GGA1: variants seen among roughly 807,000 people sequenced by gnomAD.
GGA1 encodes the protein golgi associated, gamma adaptin ear containing, ARF binding protein 1, also known as ADP-ribosylation factor-binding protein GGA1.
GGA1 carries 18 observed loss-of-function variants against 76.9 expected under a neutral mutation model. The ratio of observed to expected loss-of-function variants is 0.23; its 90% CI spans 0.16 to 0.35. GGA1 has a LOEUF of 0.35. Ranked by LOEUF, GGA1 falls within the 10% of genes least tolerant of loss-of-function variation. GGA1 has a pLI of 1.00. For missense variants in GGA1, 755 were observed against 859.0 expected, an observed-to-expected ratio of 0.88 and a Z score of 1.51; for synonymous variants, 342 against 354.7, an observed-to-expected ratio of 0.96 and a Z score of 0.40.
At chr22:37,615,809 G>A (rs1467530988) in intron 2 of GGA1, among the ~76,000 whole-genome samples, 1 of 152,024 alleles carries the variant, frequency 6.6e-6, no homozygotes, top group Admixed American at 6.6e-5. Flanking sequence ...CCCCAGACTC[G>A]ACTGTCCAGT....
At chr22:37,622,373 C>G (rs1238809666) in intron 7 of GGA1, among the ~76,000 whole-genome samples, 1 of 151,682 alleles carries the variant, frequency 6.6e-6, no homozygotes, top group African/African-American at 2.4e-5. Context: ...GAGCCACTGC[C>G]TGGCCAAATG....
chr22:37,631,929 G>A lies in GGA1; in HGVS notation c.1529-67G>A, dbSNP rs973944796. Reference sequence around the variant, plus strand: ...GCCAGCTCCTGAGGCCAGCCGGGTGGGGGCTGGGGGCTGAGCGGATGTGCT... The same window carrying A: ...GCCAGCTCCTGAGGCCAGCCGGGTGAGGGCTGGGGGCTGAGCGGATGTGCT... On this transcript the variant is annotated intron_variant, in intron 14 of 16. Transcript: ENST00000343632. 36 of 1,421,480 alleles carry A rather than the reference G, an allele frequency of 2.5e-5. 1 individual carries two copies. The highest frequency in any genetic ancestry group is 2.1e-4 in the African/African-American group (15 of 71,128). 88.1% of individuals were successfully genotyped at this position (1,421,480 alleles called of 1,614,324 possible).
chr22:37,631,928 G>T, intron 14 of GGA1, 68 bp from the exon 15 acceptor site: 1 of 1,409,488 alleles, frequency 7.1e-7, no homozygotes. Flanking sequence ...CCAGCCGGGT[G>T]GGGGCTGGGG....
intron 1 of GGA1, among the ~76,000 whole-genome samples, chr22:37,613,688 C>T (rs1052287922): frequency 3.3e-5 from 5 of 151,790 alleles, no homozygotes; most frequent in South Asian, 4.2e-4. Flanking sequence ...CATGAGCCAC[C>T]GTGCCTGGCC....
At chr22:37,617,214 G>A (rs1178346029) in intron 3 of GGA1, 2 of 1,409,510 alleles carry the variant, frequency 1.4e-6, no homozygotes, top group South Asian at 1.6e-5. Flanking sequence ...TGTTGCTGAG[G>A]GAAGGCCCTC....
chr22:37,632,229 T>TGGGGAGCCACCTGTCAG lies in GGA1; in HGVS notation c.1698+69_1698+85dup, dbSNP rs1931949324. 8.5e-6 allele frequency: 13 copies of TGGGGAGCCACCTGTCAG among 1,521,988 alleles called. No individual in the cohort carries two copies. The East Asian group carries it at 3.0e-4, about 35-fold the overall frequency. The allele number at this position is 1,521,988 out of a possible 1,614,324, so 94.3% of individuals were successfully genotyped here. On this transcript the variant is annotated intron_variant, in intron 15 of 16. Coordinates refer to ENST00000343632, the MANE Select transcript of GGA1 (RefSeq NM_013365.5). The surrounding 1 kb of genome is among the most constrained non-coding windows in gnomAD (Gnocchi z 5.1). ...CAAGGCAGGGTGACATGGAGCTGGGTGGGGAGCCACCTGTCAGGGGGCAGG... is the reference window on the plus strand; with the variant it reads ...CAAGGCAGGGTGACATGGAGCTGGGTGGGGAGCCACCTGTCAGGGGGAGCCACCTGTCAGGGGGCAGG...
chr22:37,618,398 C>T (rs1472826567), intron 3 of GGA1, 50 bp from the exon 4 acceptor site: 8 of 1,135,216 alleles, frequency 7.0e-6, no homozygotes, highest in African/African-American at 1.5e-5. Context: ...AGGGAGGCCA[C>T]GGCCTCTGAT....
At chr22:37,628,971 G>A (rs532570056) in intron 11 of GGA1, among the ~76,000 whole-genome samples, 7 of 152,188 alleles carry the variant, frequency 4.6e-5, no homozygotes, top group Non-Finnish European at 8.8e-5. Flanking sequence ...GGCCTTCAGC[G>A]TCGCCTCCAG....
chr22:37,621,535 C>T (rs370188432), intron 6 of GGA1, 81 bp from the exon 7 acceptor site: 17 of 822,000 alleles, frequency 2.1e-5, no homozygotes, highest in East Asian at 8.0e-5. Context: ...AGGCAGGAAG[C>T]GGGGAGCCAT....
In GGA1 at chr22:37,620,216, C is replaced by A. The variant is rs1929626627; in HGVS notation, c.304-22C>A. 5.6e-6 allele frequency: 9 copies of A among 1,613,086 alleles called. No individual in the cohort carries two copies. In the East Asian group the frequency reaches 1.8e-4, roughly 32 times the overall value. On this transcript the variant is annotated intron_variant, in intron 4 of 16. Transcript: ENST00000343632. The stretch of plus-strand genomic sequence containing the variant: ...GAGTGGGGCTGGGCAGTATCAAAGG[C>A]CTCCCCACTGTGTCCCTGAAGTATC...
At chr22:37,629,899 A>G in intron 12 of GGA1, 99 bp from the exon 13 acceptor site, 2 of 860,820 alleles carry the variant, frequency 2.3e-6, no homozygotes, top group Non-Finnish European at 3.6e-6. Context: ...GCTTTCCCAG[A>G]TGTCATTTGC....
chr22:37,614,282 G>A lies in GGA1; in HGVS notation c.128+8G>A. The A allele has an allele frequency of 6.2e-7, 1 of 1,602,574 alleles. No individual in the cohort carries two copies. The highest frequency in any genetic ancestry group is 8.6e-7 in the Non-Finnish European group (1 of 1,169,588). ...CAACGAGGACTTTGAGGGGTAGGTGGCCGTCCCCACTTGTTTGCACTGCCC... is the reference window on the plus strand; with the variant it reads ...CAACGAGGACTTTGAGGGGTAGGTGACCGTCCCCACTTGTTTGCACTGCCC... On this transcript the variant is annotated splice_region_variant and intron_variant, in intron 2 of 16. Coordinates refer to ENST00000343632, the MANE Select transcript of GGA1 (RefSeq NM_013365.5).
chr22:37,620,762 C>T (rs756759116), intron 5 of GGA1, 51 bp from the exon 6 acceptor site: 5 of 1,120,374 alleles, frequency 4.5e-6, no homozygotes, highest in Admixed American at 1.7e-5. Flanking sequence ...GTCACCCCTA[C>T]CCCTGGGCCT....
intron 1 of GGA1, among the ~76,000 whole-genome samples, chr22:37,611,608 T>A (rs908361099): frequency 5.3e-5 from 8 of 152,202 alleles, no homozygotes; most frequent in Admixed American, 2.6e-4. Context: ...TTCCAGGGCT[T>A]TGGGCCCCCT....
intron 5 of GGA1, 144 bp downstream of exon 5, chr22:37,620,505 A>G (rs887118695): frequency 2.4e-6 from 2 of 847,452 alleles, no homozygotes; most frequent in Admixed American, 2.4e-5. Context: ...ACATACAGCT[A>G]GTGCGGCCTT....
chr22:37,608,871 CGATGGAGCCGGA>C lies in GGA1; in HGVS notation c.14_25del (p.Met5_Glu8del). ...GGGGGCCGGTGGCGGATGGAGCCCG[CGATGGAGCCGGA>C]GACTCTGGAGGCGCGAATCAGTGAG... is the stretch of plus-strand genomic sequence containing the variant. On this transcript the variant is annotated inframe_deletion, in exon 1 of 17. Coordinates refer to ENST00000343632, the MANE Select transcript of GGA1 (RefSeq NM_013365.5). 7.7e-7 allele frequency: 1 copy of C among 1,305,000 alleles called. No homozygotes were observed. The highest frequency in any genetic ancestry group is 2.8e-4 in the Middle Eastern group (1 of 3,622). 80.8% of individuals were successfully genotyped at this position (1,305,000 alleles called of 1,614,324 possible).
Position 37,617,068 on chromosome 22 carries a change from C to G in GGA1, c.204+71C>G, listed in dbSNP as rs566249682. ...ACCAAGGGAGGCCAAGACTGAGGTT[C>G]TTGGGGTCCATAAGGCTCTTCAGAG... On this transcript the variant is annotated intron_variant, in intron 3 of 16. Coordinates refer to ENST00000343632, the MANE Select transcript of GGA1 (RefSeq NM_013365.5). 9.6e-5 allele frequency: 149 copies of G among 1,553,416 alleles called. No individual in the cohort carries two copies. The South Asian group carries it at 1.7e-3, about 17-fold the overall frequency.
intron 1 of GGA1, among the ~76,000 whole-genome samples, chr22:37,610,925 A>G (rs529955131): frequency 6.6e-6 from 1 of 152,298 alleles, no homozygotes; most frequent in Admixed American, 6.5e-5. Flanking sequence ...AGGGGGAGAA[A>G]GATGATGTCT....
intron 3 of GGA1, chr22:37,617,272 G>A: frequency 7.5e-7 from 1 of 1,336,824 alleles, no homozygotes; most frequent in Non-Finnish European, 9.5e-7. Context: ...CACATCGGCT[G>A]CCTCTCCAGG....
Sources: gnomAD v4.1 joint callset for allele counts (sites outside exome capture counted in the v4.1 genomes callset) on GRCh38, gnomAD v4.1.1 for gene constraint, Gnocchi (gnomAD v3.1) non-coding constraint, MANE v1.5 for transcripts, NCBI Gene and HGNC (gene_info 2026-07-23, HGNC 2026-07-21) for gene names.